The following SMO variants were observed in gnomAD, a reference collection of about 807,000 sequenced individuals.
SMO encodes the protein smoothened, frizzled class receptor.
Under a neutral mutation model 81.6 loss-of-function variants are expected in SMO, and 40 were observed. The ratio of observed to expected loss-of-function variants is 0.49; its 90% CI spans 0.38 to 0.64. The LOEUF is 0.64. Among genes scored for constraint, SMO ranks in the 30% least tolerant of loss-of-function variants. SMO has a pLI of 0.00. For synonymous variants in SMO, 434 were observed against 432.1 expected (o/e 1.00, Z -0.05); for missense variants, 916 against 1,061.1 (o/e 0.86, Z 1.90).
intron 2 of SMO, among the ~76,000 whole-genome samples, chr7:129,204,148 C>T (rs758428522): frequency 4.6e-5 from 7 of 151,996 alleles, no homozygotes; most frequent in African/African-American, 1.5e-4. Context: ...GCCTGGCCAA[C>T]GTGGCAAAAC....
intron 1 of SMO, among the ~76,000 whole-genome samples, chr7:129,199,421 G>A (rs564156173): frequency 6.6e-6 from 1 of 151,658 alleles, no homozygotes; most frequent in South Asian, 2.1e-4. Flanking sequence ...ACCTCAGGTG[G>A]TCCACCTGCC....
chr7:129,213,537 T>C lies in SMO; in HGVS notation c.*1086T>C, dbSNP rs1309849370. On this transcript the variant is annotated 3_prime_UTR_variant, in exon 12 of 12. Transcript: ENST00000249373. ...AAGAAATACAGTCAATAAAAGGTTTTTGTATAAACTCTTGGTGTGTTTTTC... is the reference window on the plus strand; with the variant it reads ...AAGAAATACAGTCAATAAAAGGTTTCTGTATAAACTCTTGGTGTGTTTTTC... The C allele has an allele frequency of 4.4e-6, 1 of 228,096 alleles. No homozygotes were observed. Among genetic ancestry groups the C allele is most frequent in the Non-Finnish European group, 8.7e-6 (1 of 114,644 alleles). The allele number at this position is 228,096 out of a possible 1,614,324, so 14.1% of individuals were successfully genotyped here.
intron 6 of SMO, among the ~76,000 whole-genome samples, chr7:129,207,884 C>A (rs1022869843): frequency 3.2e-4 from 2 of 6,176 alleles, no homozygotes; most frequent in African/African-American, 1.4e-3. Context: ...CAGAGTGAGA[C>A]CCTGTCTCCA....
In SMO at chr7:129,188,698, G is replaced by A. The variant is rs1265579215; in HGVS notation, c.-454G>A. 6.6e-6 allele frequency among the ~76,000 whole-genome samples: 1 copy of A among 152,090 alleles called. No individual in the cohort carries two copies. Among genetic ancestry groups the A allele is most frequent in the East Asian group, 1.9e-4 (1 of 5,152 alleles). The stretch of plus-strand genomic sequence containing the variant: ...GGTCGCCGGCGGGGAGAGTTCGGGG[G>A]GCTGCGGCGCGCTGGGGCGAAGGTG... On this transcript the variant is annotated 5_prime_UTR_variant, in exon 1 of 12. Coordinates refer to ENST00000249373, the MANE Select transcript of SMO (RefSeq NM_005631.5). The surrounding 1 kb of genome is among the most constrained non-coding windows in gnomAD (Gnocchi z 4.9).
chr7:129,199,887 CTGT>C (rs1793643022), intron 1 of SMO, among the ~76,000 whole-genome samples: 1 of 152,104 alleles, frequency 6.6e-6, no homozygotes, highest in Non-Finnish European at 1.5e-5. Flanking sequence ...AAAATGTGAT[CTGT>C]TATTTGTCTT....
At chr7:129,205,116 C>T in intron 2 of SMO, 87 bp from the exon 3 acceptor site, 1 of 1,195,504 alleles carries the variant, frequency 8.4e-7, no homozygotes, top group South Asian at 1.3e-5. Context: ...TCCAGCCACC[C>T]TGCCATGCTA....
chr7:129,208,914 G>A lies in SMO; in HGVS notation c.1357+63G>A. 1 of 1,140,776 alleles carries A rather than the reference G, an allele frequency of 8.8e-7. No individual in the cohort carries two copies. Among genetic ancestry groups the A allele is most frequent in the East Asian group, 2.4e-5 (1 of 41,560 alleles). The allele number at this position is 1,140,776 out of a possible 1,614,324, so 70.7% of individuals were successfully genotyped here. Reference sequence around the variant, plus strand: ...CCAGCCCAACACTGCACCCTCCTGGGGCTATGCGACCGGCAGGATGCAGTA... The same window carrying A: ...CCAGCCCAACACTGCACCCTCCTGGAGCTATGCGACCGGCAGGATGCAGTA... On this transcript the variant is annotated intron_variant, in intron 7 of 11. Transcript: ENST00000249373. The surrounding 1 kb of genome is among the most constrained non-coding windows in gnomAD (Gnocchi z 5.2).
chr7:129,211,999 C>T lies in SMO; in HGVS notation c.1937-25C>T, dbSNP rs1793878543. The T allele has an allele frequency of 2.6e-6, 4 of 1,558,522 alleles. No individual in the cohort carries two copies. Among genetic ancestry groups the T allele is most frequent in the South Asian group, 1.2e-5 (1 of 84,034 alleles). On this transcript the variant is annotated intron_variant, in intron 11 of 11. Transcript: ENST00000249373. This position sits in a 1 kb window ranked among gnomAD's most constrained non-coding sequence, Gnocchi z 4.6. ...GCATGGACAGAGCCAGGGCCCCAGG[C>T]TCGTGTTGTCTCTCCTCCTGTCAGT...
chr7:129,209,064 C>T (rs1387277413), intron 7 of SMO: 5 of 612,218 alleles, frequency 8.2e-6, no homozygotes, highest in African/African-American at 3.7e-5. Context: ...CATGCCGGGA[C>T]TGGTTCCTCC....
In SMO at chr7:129,210,893, G is replaced by A. The variant is rs112456172; in HGVS notation, c.1653-72G>A. 1.1e-4 allele frequency: 168 copies of A among 1,504,750 alleles called. 1 individual carries two copies. The African/African-American group carries it at 1.8e-3, about 16-fold the overall frequency. The allele number at this position is 1,504,750 out of a possible 1,614,324, so 93.2% of individuals were successfully genotyped here. ...CTCCTTCTCTGGAAAGAATGGCATC[G>A]CTGGCCCTTCCCAAGATTTGATGGG... On this transcript the variant is annotated intron_variant, in intron 9 of 11. Coordinates refer to ENST00000249373, the MANE Select transcript of SMO (RefSeq NM_005631.5). The surrounding 1 kb of genome is among the most constrained non-coding windows in gnomAD (Gnocchi z 4.7).
In SMO at chr7:129,209,345, TACG is replaced by T; in HGVS notation, c.1417_1419del (p.Asp473del). ...GCTCATTACCTTCAGCTGCCACTTC[TACG>T]ACTTCTTCAACCAGGCTGAGTGGGA... is the stretch of plus-strand genomic sequence containing the variant. On this transcript the variant is annotated inframe_deletion, in exon 8 of 12. Coordinates refer to ENST00000249373, the MANE Select transcript of SMO (RefSeq NM_005631.5). 6.2e-7 allele frequency: 1 copy of T among 1,614,170 alleles called. No individual in the cohort carries two copies. Among genetic ancestry groups the T allele is most frequent in the South Asian group, 1.1e-5 (1 of 91,090 alleles).
chr7:129,199,514 G>A (rs1021925849), intron 1 of SMO, among the ~76,000 whole-genome samples: 14 of 152,048 alleles, frequency 9.2e-5, no homozygotes, highest in African/African-American at 3.1e-4. Context: ...CCATTAAATG[G>A]CCTTGAGTCC....
At chr7:129,207,256 A>G (rs149524396) in intron 6 of SMO, among the ~76,000 whole-genome samples, 2 of 152,208 alleles carry the variant, frequency 1.3e-5, no homozygotes, top group East Asian at 3.9e-4. Context: ...GGACCAACCT[A>G]GGTCGTTTGG....
rs533569957 is a variant in SMO at position 129,206,989 on chromosome 7, C to T, written c.1264+402C>T. The stretch of plus-strand genomic sequence containing the variant: ...CCTCCCCCATAGCTAAAATTACAGG[C>T]ATGCACCACCACGTCTGGCTAATTT... On this transcript the variant is annotated intron_variant, in intron 6 of 11. Transcript: ENST00000249373. This position sits in a 1 kb window ranked among gnomAD's most constrained non-coding sequence, Gnocchi z 4.4. Among the ~76,000 whole-genome samples the T allele has an allele frequency of 1.8e-4, 27 of 152,314 alleles. No homozygotes were observed. The highest frequency in any genetic ancestry group is 6.0e-4 in the African/African-American group (25 of 41,580).
rs1245784590 is a variant in SMO at position 129,213,156 on chromosome 7, A to G, written c.*705A>G. ...ATGAGGACCCAGAGCTGCTGCACAC[A>G]CTCACCTCTAACCCCCTCCCCTCGC... On this transcript the variant is annotated 3_prime_UTR_variant, in exon 12 of 12. Transcript: ENST00000249373. 4.3e-6 allele frequency: 1 copy of G among 234,170 alleles called. No homozygotes were observed. Among genetic ancestry groups the G allele is most frequent in the South Asian group, 1.8e-4 (1 of 5,524 alleles). 14.5% of individuals were successfully genotyped at this position (234,170 alleles called of 1,614,324 possible).
In SMO at chr7:129,206,897, T is replaced by A. The variant is rs1793775405; in HGVS notation, c.1264+310T>A. 6.6e-6 allele frequency among the ~76,000 whole-genome samples: 1 copy of A among 152,220 alleles called. No homozygotes were observed. The highest frequency in any genetic ancestry group is 2.1e-4 in the South Asian group (1 of 4,830). ...TCTAGCTCTGTTGCCCAGGCTGGAG[T>A]GCAGTGGCACAATCTTGGCTCACTG... On this transcript the variant is annotated intron_variant, in intron 6 of 11. Transcript: ENST00000249373. This position sits in a 1 kb window ranked among gnomAD's most constrained non-coding sequence, Gnocchi z 4.4.
At chr7:129,204,887 G>A (rs1584661119) in intron 2 of SMO, among the ~76,000 whole-genome samples, 1 of 151,604 alleles carries the variant, frequency 6.6e-6, no homozygotes, top group Admixed American at 6.6e-5. Context: ...GTGGGCGCCT[G>A]TAGTCCCAGC....
intron 1 of SMO, among the ~76,000 whole-genome samples, chr7:129,199,824 CTTTT>C (rs1217001482): frequency 1.3e-5 from 2 of 152,138 alleles, no homozygotes; most frequent in Non-Finnish European, 2.9e-5. Context: ...ACGAAATATT[CTTTT>C]TTTAAACTTT....
At chr7:129,196,357 T>TGTG (rs1438805439) in intron 1 of SMO, among the ~76,000 whole-genome samples, 1 of 92,650 alleles carries the variant, frequency 1.1e-5, no homozygotes, top group Admixed American at 1.1e-4. Context: ...GTGTGTGTGT[T>TGTG]TTAATAGAGA....
Sources: gnomAD v4.1 joint callset for allele counts (sites outside exome capture counted in the v4.1 genomes callset) on GRCh38, gnomAD v4.1.1 for gene constraint, Gnocchi (gnomAD v3.1) non-coding constraint, MANE v1.5 for transcripts, NCBI Gene and HGNC (gene_info 2026-07-23, HGNC 2026-07-21) for gene names.